PLCB4: variants seen among roughly 807,000 people sequenced by gnomAD.
PLCB4 encodes the protein phospholipase C beta 4, also known as 1-phosphatidylinositol 4,5-bisphosphate phosphodiesterase beta-4.
A neutral mutation model predicts 178.8 loss-of-function variants in PLCB4; 77 were observed. The observed-to-expected ratio is 0.43, with a 90% CI of 0.36 to 0.52. The LOEUF (loss-of-function observed/expected upper bound fraction) is 0.52, where lower values mean the gene tolerates loss of function less well. Ranked by LOEUF, PLCB4 falls within the 20% of genes least tolerant of loss-of-function variation. The pLI is 0.00. For missense variants in PLCB4, 1,024 were observed against 1,453.4 expected (o/e 0.70, Z 4.80); for synonymous variants, 496 against 490.8 (o/e 1.01, Z -0.14).
At chr20:9,317,259 T>C (rs1272613247) in intron 4 of PLCB4, among the ~76,000 whole-genome samples, 2 of 152,228 alleles carry the variant, frequency 1.3e-5, no homozygotes, top group Admixed American at 1.3e-4. Flanking sequence ...ACTACTGTGT[T>C]GTATTTTTAA....
chr20:9,262,957 A>G (rs1322898859), intron 3 of PLCB4, among the ~76,000 whole-genome samples: 1 of 152,150 alleles, frequency 6.6e-6, no homozygotes, highest in East Asian at 1.9e-4. Context: ...CCAGGCAGTG[A>G]TTGATTTTCA....
chr20:9,166,820 C>T (rs888806795), intron 2 of PLCB4: 15 of 152,034 alleles, frequency 9.9e-5, no homozygotes, highest in Admixed American at 2.0e-4. Context: ...TTTTCATGGT[C>T]CCTGAAGGTA....
intron 28 of PLCB4, among the ~76,000 whole-genome samples, chr20:9,435,357 C>G (rs1430236909): frequency 6.6e-6 from 1 of 152,256 alleles, no homozygotes. Context: ...AAAAAATCAT[C>G]TGGTCTTTGG....
intron 3 of PLCB4, among the ~76,000 whole-genome samples, chr20:9,276,302 A>C (rs1440412505): frequency 2.0e-5 from 3 of 151,976 alleles, no homozygotes; most frequent in African/African-American, 7.2e-5. Flanking sequence ...CACCAAGAGG[A>C]AGGGATGTTC....
intron 30 of PLCB4, among the ~76,000 whole-genome samples, chr20:9,440,202 A>G (rs1009814259): frequency 1.3e-5 from 2 of 152,236 alleles, no homozygotes; most frequent in African/African-American, 4.8e-5. Context: ...TAAGTCAAAA[A>G]TGTGTTTAAT....
At chr20:9,373,175 C>A in intron 12 of PLCB4, 71 bp downstream of exon 12, 1 of 717,640 alleles carries the variant, frequency 1.4e-6, no homozygotes. Context: ...GTCCTCATTG[C>A]ATGCCTGCAT....
intron 7 of PLCB4, among the ~76,000 whole-genome samples, chr20:9,352,014 G>A (rs1279906135): frequency 6.6e-6 from 1 of 152,190 alleles, no homozygotes; most frequent in African/African-American, 2.4e-5. Context: ...GAGTCCAAAA[G>A]TAATGCTGTC....
intron 38 of PLCB4, among the ~76,000 whole-genome samples, chr20:9,474,207 T>A (rs1313547148): frequency 6.9e-6 from 1 of 145,472 alleles, no homozygotes; most frequent in African/African-American, 2.6e-5. Context: ...ACAGAGTGAC[T>A]CCATCTCAAA....
At chr20:9,470,385 C>T (rs2276483) in intron 36 of PLCB4, among the ~76,000 whole-genome samples, 14,011 of 151,842 alleles carry the variant, frequency 0.092, 805 homozygotes, top group East Asian at 0.3. Flanking sequence ...CTCAGATAAG[C>T]AACTTTGTTT....
In PLCB4 at chr20:9,242,656, TG is replaced by T. The variant is rs535712493; in HGVS notation, c.-16+25208del. On this transcript the variant is annotated intron_variant, in intron 3 of 39. Transcript: ENST00000378473. Reference sequence around the variant, plus strand: ...CTTCTCTTGGCTTAGGCTGTTTAGCTGGGGATTTTACAGGATTGGAGGTGCC... The same window carrying T: ...CTTCTCTTGGCTTAGGCTGTTTAGCTGGGATTTTACAGGATTGGAGGTGCC... 1.7e-3 allele frequency among the ~76,000 whole-genome samples: 260 copies of T among 152,346 alleles called. 2 individuals carry two copies. The highest frequency in any genetic ancestry group is 0.014 in the Middle Eastern group (4 of 294).
intron 3 of PLCB4, among the ~76,000 whole-genome samples, chr20:9,281,320 G>A (rs2094493147): frequency 6.6e-6 from 1 of 151,962 alleles, no homozygotes; most frequent in Non-Finnish European, 1.5e-5. Flanking sequence ...AGTATTAGAA[G>A]TAGTTTAATC....
chr20:9,328,570 C>CT (rs1324713992), intron 4 of PLCB4, among the ~76,000 whole-genome samples: 1 of 152,174 alleles, frequency 6.6e-6, no homozygotes, highest in East Asian at 1.9e-4. Context: ...GCAGAGGCTT[C>CT]TTCAGGTATG....
chr20:9,355,157 A>G (rs988919174), intron 7 of PLCB4, among the ~76,000 whole-genome samples: 2 of 152,206 alleles, frequency 1.3e-5, no homozygotes, highest in African/African-American at 4.8e-5. Flanking sequence ...ACAGTGTACT[A>G]GCTGGAAATG....
chr20:9,458,646 A>G (rs1362206083), intron 34 of PLCB4, among the ~76,000 whole-genome samples: 2 of 152,084 alleles, frequency 1.3e-5, no homozygotes, highest in Admixed American at 1.3e-4. Context: ...TACATGACCT[A>G]TCAACCTCCA....
chr20:9,395,100 A>G (rs2038462437), intron 18 of PLCB4, among the ~76,000 whole-genome samples: 1 of 152,030 alleles, frequency 6.6e-6, no homozygotes, highest in Non-Finnish European at 1.5e-5. Flanking sequence ...AGTTGCAAAT[A>G]TTTTTTCCTG....
At chr20:9,369,630 T>G (rs769540428) in intron 9 of PLCB4, among the ~76,000 whole-genome samples, 13 of 152,198 alleles carry the variant, frequency 8.5e-5, no homozygotes, top group Non-Finnish European at 1.2e-4. Flanking sequence ...AAAATGTACT[T>G]CTTGAAGTAT....
intron 2 of PLCB4, among the ~76,000 whole-genome samples, chr20:9,124,721 T>C (rs1271887365): frequency 6.6e-6 from 1 of 152,162 alleles, no homozygotes; most frequent in Non-Finnish European, 1.5e-5. Flanking sequence ...AAGGGGGTCT[T>C]AGTGTTGTGA....
chr20:9,432,950 A>G (rs1481068735), intron 28 of PLCB4, among the ~76,000 whole-genome samples: 1 of 152,226 alleles, frequency 6.6e-6, no homozygotes, highest in Non-Finnish European at 1.5e-5. Context: ...CAGCACCACT[A>G]AAAGTAATGT....
intron 7 of PLCB4, among the ~76,000 whole-genome samples, chr20:9,339,782 C>A (rs1006991032): frequency 6.6e-6 from 1 of 152,074 alleles, no homozygotes; most frequent in African/African-American, 2.4e-5. Context: ...CCAAACCCCC[C>A]CTCCCAATAA....
Sources: gnomAD v4.1 joint callset for allele counts (sites outside exome capture counted in the v4.1 genomes callset) on GRCh38, gnomAD v4.1.1 for gene constraint, MANE v1.5 for transcripts, NCBI Gene and HGNC (gene_info 2026-07-23, HGNC 2026-07-21) for gene names.